The following GDPD5 variants were observed in gnomAD, a reference collection of about 807,000 sequenced individuals.
GDPD5 encodes glycerophosphodiester phosphodiesterase 2.
Under a neutral mutation model 75.1 loss-of-function variants are expected in GDPD5, and 48 were observed. The ratio of observed to expected loss-of-function variants is 0.64; its 90% CI spans 0.51 to 0.81. The LOEUF (loss-of-function observed/expected upper bound fraction) is 0.81. Among genes scored for constraint, GDPD5 ranks in the 40% least tolerant of loss-of-function variants. The pLI, the probability that GDPD5 is intolerant of heterozygous loss-of-function variation, is 0.00. For synonymous variants in GDPD5, 336 were observed against 339.0 expected, an observed-to-expected ratio of 0.99 and a Z score of 0.10; for missense variants, 706 against 822.6, an observed-to-expected ratio of 0.86 and a Z score of 1.73.
chr11:75,446,100 C>T (rs1191963314), intron 9 of GDPD5, among the ~76,000 whole-genome samples: 9 of 152,224 alleles, frequency 5.9e-5, no homozygotes, highest in Non-Finnish European at 7.3e-5. Context: ...GAATATCCTG[C>T]GGCCAGGCCT....
At chr11:75,519,745 G>A (rs1451015614) in intron 1 of GDPD5, among the ~76,000 whole-genome samples, 1 of 152,130 alleles carries the variant, frequency 6.6e-6, no homozygotes, top group African/African-American at 2.4e-5. Flanking sequence ...TGATGGGACC[G>A]GCCCCTGCCT....
intron 3 of GDPD5, among the ~76,000 whole-genome samples, chr11:75,466,235 G>A (rs999821776): frequency 1.3e-5 from 2 of 152,210 alleles, no homozygotes; most frequent in African/African-American, 4.8e-5. Context: ...AGCCCTGGGA[G>A]CTGAAGCCGG....
At chr11:75,514,996 C>T in intron 1 of GDPD5, among the ~76,000 whole-genome samples, 1 of 152,108 alleles carries the variant, frequency 6.6e-6, no homozygotes, top group Non-Finnish European at 1.5e-5. Context: ...CCCATGTCTT[C>T]TAAGTTCCAC....
intron 11 of GDPD5, 112 bp from the exon 12 acceptor site, chr11:75,442,693 G>A (rs1948857205): frequency 1.1e-6 from 1 of 926,510 alleles, no homozygotes; most frequent in South Asian, 1.6e-5. Context: ...GTCTGCTGGG[G>A]TCAGGCAGAT....
chr11:75,456,172 A>T (rs1467696058), intron 6 of GDPD5, among the ~76,000 whole-genome samples: 1 of 152,182 alleles, frequency 6.6e-6, no homozygotes, highest in Non-Finnish European at 1.5e-5. Flanking sequence ...AGAGCATGAG[A>T]TGTCTCATGT....
chr11:75,476,929 T>TGGGGCTGGCTGAATTTA (rs1949792263), intron 3 of GDPD5, among the ~76,000 whole-genome samples: 1 of 148,288 alleles, frequency 6.7e-6, no homozygotes, highest in Non-Finnish European at 1.5e-5. Flanking sequence ...CAGCCTCTTC[T>TGGGGCTGGCTGAATTTA]GGGGCTGGCT....
At chr11:75,443,027 G>T in intron 11 of GDPD5, 109 bp downstream of exon 11, 1 of 1,321,634 alleles carries the variant, frequency 7.6e-7, no homozygotes, top group Non-Finnish European at 1.1e-6. Flanking sequence ...GGTCGCGAAA[G>T]CTCTGAGAGT....
intron 6 of GDPD5, chr11:75,455,330 G>A (rs1184098178): frequency 4.4e-6 from 2 of 456,214 alleles, no homozygotes; most frequent in Non-Finnish European, 8.8e-6. Context: ...CCTCACAGAG[G>A]GGATAGTGGA....
intron 1 of GDPD5, among the ~76,000 whole-genome samples, chr11:75,513,839 C>G (rs1326742574): frequency 2.6e-5 from 4 of 152,214 alleles, no homozygotes; most frequent in Admixed American, 2.6e-4. Context: ...TGGCTAGTAG[C>G]CTCCTGACTC....
At chr11:75,505,489 C>T (rs574437154) in intron 1 of GDPD5, among the ~76,000 whole-genome samples, 2 of 152,282 alleles carry the variant, frequency 1.3e-5, no homozygotes, top group South Asian at 2.1e-4. Flanking sequence ...CCTTGTGGGG[C>T]CCCTGTTTTC....
intron 9 of GDPD5, 96 bp from the exon 10 acceptor site, chr11:75,444,591 G>T: frequency 1.1e-6 from 1 of 940,672 alleles, no homozygotes; most frequent in Non-Finnish European, 1.7e-6. Context: ...GCTGGGCTAG[G>T]CCTGGTTCTA....
At chr11:75,481,225 G>A (rs941469376) in intron 2 of GDPD5, among the ~76,000 whole-genome samples, 1 of 152,170 alleles carries the variant, frequency 6.6e-6, no homozygotes, top group African/African-American at 2.4e-5. Context: ...CCCAGGGGCT[G>A]CACCGTAGGA....
chr11:75,491,341 T>A (rs1220708706), intron 1 of GDPD5, among the ~76,000 whole-genome samples: 3 of 152,230 alleles, frequency 2.0e-5, no homozygotes, highest in Admixed American at 2.0e-4. Context: ...CCCCCTACAA[T>A]GATCCTAAGG....
chr11:75,476,306 G>A (rs1949776637), intron 3 of GDPD5, among the ~76,000 whole-genome samples: 2 of 151,984 alleles, frequency 1.3e-5, no homozygotes, highest in Admixed American at 1.3e-4. Flanking sequence ...GTCATAGCTG[G>A]CACTGTGCCA....
intron 9 of GDPD5, among the ~76,000 whole-genome samples, chr11:75,448,082 C>T (rs1404220797): frequency 6.6e-6 from 1 of 152,192 alleles, no homozygotes; most frequent in Non-Finnish European, 1.5e-5. Flanking sequence ...ATGTGAGACC[C>T]CCTTACTACC....
At chr11:75,438,885 A>C (rs992256995) in intron 15 of GDPD5, 2 of 173,546 alleles carry the variant, frequency 1.2e-5, no homozygotes, top group Non-Finnish European at 2.5e-5. Flanking sequence ...AGAGAAAGGT[A>C]AACAGGAAGA....
intron 10 of GDPD5, among the ~76,000 whole-genome samples, chr11:75,443,941 T>C (rs1158950267): frequency 2.6e-5 from 4 of 152,244 alleles, no homozygotes; most frequent in African/African-American, 9.6e-5. Context: ...ATGCAACCTG[T>C]ACAACTATAT....
intron 1 of GDPD5, among the ~76,000 whole-genome samples, chr11:75,504,989 G>A (rs942279533): frequency 6.6e-6 from 1 of 152,030 alleles, no homozygotes; most frequent in African/African-American, 2.4e-5. Flanking sequence ...AGCCGGGTGT[G>A]CGCATGCCTG....
Position 75,436,961 on chromosome 11 carries a change from G to T in GDPD5, c.1644C>A (p.Ile548=). Residue 548 remains isoleucine (I), a synonymous_variant, in exon 16 of 17, where the codon ATC becomes ATA. Transcript: ENST00000336898. ...AVRRTSRDVS[I]MKEKLIFSEI... ...CTGAGAAAATAAGCTTCTCCTTCAT[G>T]ATGCTGACGTCCCGGCTGGTCCGGC... 1 of 1,613,636 alleles carries T rather than the reference G, an allele frequency of 6.2e-7. No individual in the cohort carries two copies. Among genetic ancestry groups the T allele is most frequent in the Middle Eastern group, 1.6e-4 (1 of 6,062 alleles).
Sources: gnomAD v4.1 joint callset for allele counts (sites outside exome capture counted in the v4.1 genomes callset) on GRCh38, gnomAD v4.1.1 for gene constraint, MANE v1.5 for transcripts, NCBI Gene and HGNC (gene_info 2026-07-23, HGNC 2026-07-21) for gene names.